The following RAD51B variants were observed in gnomAD, a reference collection of about 807,000 sequenced individuals.
The protein encoded by RAD51B is RAD51 paralog B.
A neutral mutation model predicts 42.2 loss-of-function variants in RAD51B; 38 were observed. The ratio of observed to expected loss-of-function variants is 0.90; its 90% CI spans 0.70 to 1.18. The LOEUF (loss-of-function observed/expected upper bound fraction) is 1.18, where lower values mean the gene tolerates loss of function less well. Ranked by LOEUF, RAD51B falls within the 50% of genes most tolerant of loss-of-function variation. RAD51B has a pLI of 0.00. For missense variants in RAD51B, 373 were observed against 400.7 expected, an observed-to-expected ratio of 0.93 and a Z score of 0.59; for synonymous variants, 154 against 145.2, an observed-to-expected ratio of 1.06 and a Z score of -0.43.
Position 68,605,213 on chromosome 14 carries a change from C to T in RAD51B, c.1037-5793C>T, listed in dbSNP as rs61987063. Among the ~76,000 whole-genome samples, 17 of 152,184 alleles carry T rather than the reference C, an allele frequency of 1.1e-4. No homozygotes were observed. The East Asian group carries it at 2.1e-3, about 19-fold the overall frequency. ...TGTCACAGCAGGGCGGGTTCCTTCT[C>T]GATGCACTGAGGGAGAGCCTGTGTT... is the stretch of plus-strand genomic sequence containing the variant. On this transcript the variant is annotated intron_variant, in intron 10 of 10. Transcript: ENST00000487861.
chr14:68,594,371 C>T (rs1435855220), intron 10 of RAD51B: 8 of 991,840 alleles, frequency 8.1e-6, no homozygotes, highest in Admixed American at 2.4e-5. Flanking sequence ...TATGCCATAC[C>T]CCTTGAACTC....
At position 68,017,396 on chromosome 14, in the gene RAD51B, G is replaced by A. The variant is rs575448712; in HGVS notation, c.756+130192G>A. Reference sequence around the variant, plus strand: ...ATTTTAGTAGAGACAAGGTTTCACCGTGTTGCCTAGGGTGGTCTTGAACTC... The same window carrying A: ...ATTTTAGTAGAGACAAGGTTTCACCATGTTGCCTAGGGTGGTCTTGAACTC... On this transcript the variant is annotated intron_variant, in intron 7 of 10. Coordinates refer to ENST00000471583, the MANE Select transcript of RAD51B (RefSeq NM_133510.4). Among the ~76,000 whole-genome samples the A allele has an allele frequency of 1.2e-3, 179 of 152,018 alleles. 1 individual carries two copies. Among genetic ancestry groups the A allele is most frequent in the South Asian group, 2.9e-3 (14 of 4,802 alleles).
intron 7 of RAD51B, among the ~76,000 whole-genome samples, chr14:68,047,575 G>A (rs867733650): frequency 1.3e-5 from 2 of 151,852 alleles, no homozygotes; most frequent in Non-Finnish European, 2.9e-5. Context: ...GAAATTATAC[G>A]GAATAAACAG....
intron 10 of RAD51B, among the ~76,000 whole-genome samples, chr14:68,577,505 TAA>T (rs374739046): frequency 0.095 from 13,738 of 144,124 alleles, 778 homozygotes; most frequent in South Asian, 0.16. Flanking sequence ...TGATTTTATG[TAA>T]AAAAAAAAAA....
intron 5 of RAD51B, among the ~76,000 whole-genome samples, chr14:67,871,376 G>A (rs2042526086): frequency 6.6e-6 from 1 of 152,124 alleles, no homozygotes; most frequent in Admixed American, 6.5e-5. Flanking sequence ...ACTCTCCCAA[G>A]ACTAAACCAG....
chr14:68,364,524 GC>G (rs1308873026), intron 8 of RAD51B, among the ~76,000 whole-genome samples: 2 of 152,180 alleles, frequency 1.3e-5, no homozygotes, highest in South Asian at 2.1e-4. Context: ...CTCGCCAGCA[GC>G]CCCCTCCCCC....
At chr14:68,568,637 C>T (rs924579319) in intron 10 of RAD51B, among the ~76,000 whole-genome samples, 1 of 152,144 alleles carries the variant, frequency 6.6e-6, no homozygotes, top group African/African-American at 2.4e-5. Flanking sequence ...TTGCTCTGTG[C>T]ACAATAGGGT....
rs181126389 is a variant in RAD51B at position 68,473,495 on chromosome 14, C to T, written c.1037-4153C>T. Among the ~76,000 whole-genome samples the T allele has an allele frequency of 3.4e-3, 514 of 152,284 alleles. 1 individual carries two copies. The highest frequency in any genetic ancestry group is 0.012 in the African/African-American group (488 of 41,548). On this transcript the variant is annotated intron_variant, in intron 10 of 10. Coordinates refer to ENST00000471583, the MANE Select transcript of RAD51B (RefSeq NM_133510.4). Reference sequence around the variant, plus strand: ...TCCCCTGTGCACATTCACTTTACATCCCCTCCCTCCATGACATCTTCTCAC... The same window carrying T: ...TCCCCTGTGCACATTCACTTTACATTCCCTCCCTCCATGACATCTTCTCAC...
rs75592344 is a variant in RAD51B, at chr14:68,526,761, A to G, written c.1036+58511A>G. On this transcript the variant is annotated intron_variant, in intron 10 of 10. Transcript: ENST00000487270. ...TCTCAGCCCACTGCATGGCCCACCA[A>G]GAGCCTCTGACATTCAGGCCGCTTG... 3.7e-3 allele frequency among the ~76,000 whole-genome samples: 565 copies of G among 152,342 alleles called. 28 individuals are homozygous for G. The East Asian group carries it at 0.091, about 25-fold the overall frequency.
chr14:68,462,277 C>T (rs2085864227), intron 9 of RAD51B, among the ~76,000 whole-genome samples: 1 of 152,136 alleles, frequency 6.6e-6, no homozygotes, highest in East Asian at 1.9e-4. Context: ...TGGAAAAAGC[C>T]CAAAGGCTTC....
chr14:68,357,877 C>G lies in RAD51B; in HGVS notation c.854-53547C>G, dbSNP rs572690497. ...AGCCATTTTCAACATGCCTTCCTCA[C>G]TAAGCTTAATCATTTCTAGCTTTAA... is the stretch of plus-strand genomic sequence containing the variant. On this transcript the variant is annotated intron_variant, in intron 8 of 10. Coordinates refer to ENST00000471583, the MANE Select transcript of RAD51B (RefSeq NM_133510.4). Among the ~76,000 whole-genome samples, 207 of 152,366 alleles carry G rather than the reference C, an allele frequency of 1.4e-3. 1 individual carries two copies. The highest frequency in any genetic ancestry group is 4.8e-3 in the African/African-American group (201 of 41,586).
chr14:68,277,986 G>A (rs984063965), intron 7 of RAD51B, among the ~76,000 whole-genome samples: 2 of 152,160 alleles, frequency 1.3e-5, no homozygotes, highest in South Asian at 4.1e-4. Flanking sequence ...AAAATGATCT[G>A]CCCGTCTTGG....
chr14:68,151,781 T>C (rs976450226), intron 7 of RAD51B, among the ~76,000 whole-genome samples: 3 of 150,694 alleles, frequency 2.0e-5, no homozygotes, highest in Non-Finnish European at 4.4e-5. Flanking sequence ...GTATTTTTAG[T>C]ATTTCTATTG....
intron 7 of RAD51B, among the ~76,000 whole-genome samples, chr14:68,049,029 TA>T (rs1163585099): frequency 6.6e-6 from 1 of 152,114 alleles, no homozygotes; most frequent in Non-Finnish European, 1.5e-5. Context: ...TATGCAGCCA[TA>T]AAAAATGATG....
At chr14:68,323,825 C>T (rs2082199864) in intron 8 of RAD51B, among the ~76,000 whole-genome samples, 1 of 152,192 alleles carries the variant, frequency 6.6e-6, no homozygotes, top group African/African-American at 2.4e-5. Flanking sequence ...GAAAGTGATG[C>T]ACTGATGCTT....
At chr14:67,963,142 A>G (rs1451962058) in intron 7 of RAD51B, among the ~76,000 whole-genome samples, 1 of 152,114 alleles carries the variant, frequency 6.6e-6, no homozygotes, top group Non-Finnish European at 1.5e-5. Flanking sequence ...TTTATTTTTA[A>G]CTGTGAATAT....
intron 7 of RAD51B, among the ~76,000 whole-genome samples, chr14:68,266,817 A>G (rs1489874087): frequency 1.3e-5 from 2 of 152,238 alleles, no homozygotes; most frequent in African/African-American, 2.4e-5. Context: ...AGTAGTACCA[A>G]CCTTACAAGG....
At chr14:68,058,148 T>C (rs1217957545) in intron 7 of RAD51B, among the ~76,000 whole-genome samples, 1 of 152,130 alleles carries the variant, frequency 6.6e-6, no homozygotes, top group African/African-American at 2.4e-5. Context: ...TTGTATTTTA[T>C]TAGCAAGGGC....
chr14:67,970,426 G>A (rs1454047180), intron 7 of RAD51B, among the ~76,000 whole-genome samples: 4 of 152,060 alleles, frequency 2.6e-5, no homozygotes, highest in Admixed American at 2.6e-4. Context: ...AGTCCTTGGT[G>A]GATCTAGTTC....
Sources: allele counts gnomAD v4.1 joint callset (sites outside exome capture counted in the v4.1 genomes callset), GRCh38; gene constraint gnomAD v4.1.1; transcripts MANE v1.5; gene names NCBI Gene and HGNC (gene_info 2026-07-23, HGNC 2026-07-21).